Variants in MICAL3 observed in about 807,000 individuals in gnomAD.
MICAL3 encodes microtubule associated monooxygenase, calponin and LIM domain containing 3.
MICAL3 carries 62 observed loss-of-function variants against 207.4 expected under a neutral mutation model. The observed-to-expected ratio is 0.30, with a 90% CI of 0.24 to 0.37. The LOEUF is 0.37. Ranked by LOEUF, MICAL3 falls within the 10% of genes least tolerant of loss-of-function variation. The pLI is 1.00. For missense variants in MICAL3, 2,368 were observed against 2,635.6 expected (o/e 0.90, Z 2.22); for synonymous variants, 1,077 against 1,069.3 (o/e 1.01, Z -0.14).
At position 17,862,887 on chromosome 22, in the gene MICAL3, C is replaced by A. The variant is rs1056545480; in HGVS notation, c.2605+2012G>T. Reference sequence around the variant, plus strand: ...AGTGCCTGTCATTAACTGTAAAGGTCCACACTGTGATTCCTTTGGGACACC... The same window carrying A: ...AGTGCCTGTCATTAACTGTAAAGGTACACACTGTGATTCCTTTGGGACACC... On this transcript the variant is annotated intron_variant, in intron 19 of 31. Transcript: ENST00000441493. 5.1e-6 allele frequency: 5 copies of A among 985,350 alleles called. No homozygotes were observed. The East Asian group carries it at 5.7e-4, about 112-fold the overall frequency. The allele number at this position is 985,350 out of a possible 1,614,324, so 61.0% of individuals were successfully genotyped here.
At chr22:17,974,504 G>A (rs1935549534) in intron 1 of MICAL3, among the ~76,000 whole-genome samples, 1 of 152,100 alleles carries the variant, frequency 6.6e-6, no homozygotes, top group Non-Finnish European at 1.5e-5. Context: ...TTGAACCTGG[G>A]AGGTGGAGGT....
intron 19 of MICAL3, chr22:17,861,294 G>A (rs755973433): frequency 2.7e-5 from 27 of 984,608 alleles, no homozygotes; most frequent in Non-Finnish European, 2.9e-5. Context: ...TGGTTATCGG[G>A]CAAGGAATGT....
chr22:17,832,959 G>A (rs1256664829), intron 20 of MICAL3, among the ~76,000 whole-genome samples: 2 of 152,156 alleles, frequency 1.3e-5, no homozygotes, highest in Non-Finnish European at 2.9e-5. Flanking sequence ...AAAGGGTGGA[G>A]ACAAACCTCC....
Position 17,980,754 on chromosome 22 carries a change from T to C in MICAL3, c.-75+43527A>G, listed in dbSNP as rs1217769483. 3 of 453,130 alleles carry C rather than the reference T, an allele frequency of 6.6e-6. No homozygotes were observed. The East Asian group carries it at 1.7e-4, about 26-fold the overall frequency. The allele number at this position is 453,130 out of a possible 1,614,324, so 28.1% of individuals were successfully genotyped here. ...GAGTGCCACAGTTTCCGTCTTATCA[T>C]TCCGCCCGTCTTATCATTCCGCGGC... On this transcript the variant is annotated intron_variant, in intron 1 of 31. Coordinates refer to ENST00000441493, the MANE Select transcript of MICAL3 (RefSeq NM_015241.3).
chr22:17,826,600 C>T (rs1922213326), intron 22 of MICAL3: 5 of 725,060 alleles, frequency 6.9e-6, no homozygotes, highest in South Asian at 1.2e-4. Context: ...CCTTAAAATC[C>T]CAAAGAGAAA....
At chr22:17,970,638 T>C (rs921096192) in intron 1 of MICAL3, among the ~76,000 whole-genome samples, 3 of 152,216 alleles carry the variant, frequency 2.0e-5, no homozygotes, top group Non-Finnish European at 2.9e-5. Flanking sequence ...CTTCCTATGT[T>C]CCCTCCTCTA....
chr22:17,830,966 C>T (rs964141963), intron 21 of MICAL3, among the ~76,000 whole-genome samples: 1 of 152,194 alleles, frequency 6.6e-6, no homozygotes, highest in African/African-American at 2.4e-5. Flanking sequence ...AACAGACCCC[C>T]GGATGGGACT....
At position 18,015,882 on chromosome 22, in the gene MICAL3, A is replaced by G. The variant is rs1317955280; in HGVS notation, c.-75+8399T>C. 2.6e-5 allele frequency among the ~76,000 whole-genome samples: 4 copies of G among 152,328 alleles called. No individual in the cohort carries two copies. In the East Asian group the frequency reaches 7.7e-4, roughly 29 times the overall value. ...TGCAAGATATTCCATTGTATAATGT[A>G]CCAACAAAATTTTAAACTGTCCCTA... is the stretch of plus-strand genomic sequence containing the variant. On this transcript the variant is annotated intron_variant, in intron 1 of 31. Coordinates refer to ENST00000441493, the MANE Select transcript of MICAL3 (RefSeq NM_015241.3).
In MICAL3 at chr22:17,789,808, A is replaced by G. The variant is rs2061811085; in HGVS notation, c.*924T>C. The G allele has an allele frequency of 6.6e-6, 1 of 152,258 alleles. No individual in the cohort carries two copies. The highest frequency in any genetic ancestry group is 6.5e-5 in the Admixed American group (1 of 15,286). 9.4% of individuals were successfully genotyped at this position (152,258 alleles called of 1,614,324 possible). ...TACACAAACGAAGTTACTTCTTTTC[A>G]AGTATTAAAAAATAAGTTAATTGAC... is the stretch of plus-strand genomic sequence containing the variant. On this transcript the variant is annotated 3_prime_UTR_variant, in exon 32 of 32. Coordinates refer to ENST00000441493, the MANE Select transcript of MICAL3 (RefSeq NM_015241.3).
chr22:17,800,519 T>C (rs886658078), intron 29 of MICAL3, among the ~76,000 whole-genome samples: 10 of 152,172 alleles, frequency 6.6e-5, no homozygotes, highest in Admixed American at 6.5e-4. Flanking sequence ...TCATTCTTTA[T>C]ACTCTGTGGC....
In MICAL3 at chr22:17,904,769, A is replaced by G. The variant is rs1249137838; in HGVS notation, c.335T>C (p.Val112Ala). The G allele has an allele frequency of 1.2e-6, 2 of 1,613,956 alleles. No individual in the cohort carries two copies. The highest frequency in any genetic ancestry group is 1.7e-6 in the Non-Finnish European group (2 of 1,179,854). ...GGCATCTCGTTTCTCAATAACAACCACCTTGGCCCCCAGTAAGGATAAGTC... is the reference window on the plus strand; with the variant it reads ...GGCATCTCGTTTCTCAATAACAACCGCCTTGGCCCCCAGTAAGGATAAGTC... The part of the protein sequence containing the change: ...AIDLSLLGAK[V>A]VVIEKRDAFS... Residue 112 changes from valine (V) to alanine (A), a missense_variant, in exon 3 of 32, where the codon GTG (valine) becomes GCG (alanine). Physicochemically the swap from Val to Ala is moderately conservative, Grantham distance 64 (BLOSUM62 0). Transcript: ENST00000441493.
rs368787612 is a variant in MICAL3, at chr22:17,810,338, T to C, written c.5556+365A>G. On this transcript the variant is annotated intron_variant, in intron 28 of 31. Coordinates refer to ENST00000441493, the MANE Select transcript of MICAL3 (RefSeq NM_015241.3). The stretch of plus-strand genomic sequence containing the variant: ...TTGGCCTCCCAAAGTGCTGAGATTA[T>C]AGGCATGAGCCACCGCACCCAGCCA... Among the ~76,000 whole-genome samples, 461 of 152,228 alleles carry C rather than the reference T, an allele frequency of 3.0e-3. 2 individuals are homozygous for C. The highest frequency in any genetic ancestry group is 8.1e-3 in the East Asian group (42 of 5,178).
chr22:17,926,056 C>A (rs2146306824), intron 1 of MICAL3, among the ~76,000 whole-genome samples: 1 of 152,314 alleles, frequency 6.6e-6, no homozygotes, highest in Middle Eastern at 3.4e-3. Flanking sequence ...ACTGTAAGGT[C>A]TTACTGATGT....
chr22:18,016,801 G>A (rs905528791), intron 1 of MICAL3, among the ~76,000 whole-genome samples: 1 of 151,966 alleles, frequency 6.6e-6, no homozygotes, highest in Non-Finnish European at 1.5e-5. Context: ...TTAGCCGGGG[G>A]TGGTGGTGGG....
intron 1 of MICAL3, among the ~76,000 whole-genome samples, chr22:17,935,422 A>C (rs560741167): frequency 1.3e-5 from 2 of 152,382 alleles, no homozygotes; most frequent in Non-Finnish European, 2.9e-5. Flanking sequence ...TTATACAAAA[A>C]TTAATTCAAG....
intron 1 of MICAL3, among the ~76,000 whole-genome samples, chr22:17,953,761 T>C (rs1412543071): frequency 6.6e-6 from 1 of 151,170 alleles, no homozygotes; most frequent in East Asian, 1.9e-4. Context: ...TGAAACCCCG[T>C]CTTTACTAAA....
chr22:18,007,963 G>A (rs1159639562), intron 1 of MICAL3, among the ~76,000 whole-genome samples: 1 of 148,168 alleles, frequency 6.7e-6, no homozygotes, highest in East Asian at 2.0e-4. Context: ...ATGATGGGCT[G>A]GGTACGGTGG....
intron 22 of MICAL3, among the ~76,000 whole-genome samples, chr22:17,824,221 T>C (rs757212090): frequency 1.3e-5 from 2 of 152,124 alleles, no homozygotes; most frequent in African/African-American, 2.4e-5. Flanking sequence ...CGGGCTCTCC[T>C]AGGGTTCAAG....
intron 1 of MICAL3, among the ~76,000 whole-genome samples, chr22:17,943,712 G>C (rs1484625452): frequency 6.6e-6 from 1 of 152,198 alleles, no homozygotes; most frequent in Admixed American, 6.5e-5. Context: ...TAATAGCTTT[G>C]CTGTCTGCTG....
Sources: allele counts gnomAD v4.1 joint callset (sites outside exome capture counted in the v4.1 genomes callset), GRCh38; gene constraint gnomAD v4.1.1; transcripts MANE v1.5; gene names NCBI Gene and HGNC (gene_info 2026-07-23, HGNC 2026-07-21).